The following CYP26B1 variants were observed in gnomAD, a reference collection of about 807,000 sequenced individuals.
CYP26B1 encodes cytochrome P450 family 26 subfamily B member 1.
In CYP26B1, 8 loss-of-function variants were observed where a neutral mutation model predicts 39.1. The ratio of observed to expected loss-of-function variants is 0.20; its 90% confidence interval spans 0.12 to 0.37. The LOEUF (loss-of-function observed/expected upper bound fraction) is 0.37, where lower values mean the gene tolerates loss of function less well. Among genes scored for constraint, CYP26B1 ranks in the 10% least tolerant of loss-of-function variants. The pLI is 1.00. For missense variants in CYP26B1, 615 were observed against 707.0 expected, an observed-to-expected ratio of 0.87 and a Z score of 1.48; for synonymous variants, 321 against 314.3, an observed-to-expected ratio of 1.02 and a Z score of -0.23.
At chr2:72,145,697 G>T (rs1018603676) in intron 1 of CYP26B1, among the ~76,000 whole-genome samples, 1 of 151,924 alleles carries the variant, frequency 6.6e-6, no homozygotes, top group Non-Finnish European at 1.5e-5. Flanking sequence ...GGTCGCCGCC[G>T]CCTCGCCCCC....
chr2:72,132,106 G>T lies in CYP26B1; in HGVS notation c.*121C>A. The T allele has an allele frequency of 8.5e-7, 1 of 1,175,428 alleles. No individual in the cohort carries two copies. Among genetic ancestry groups the T allele is most frequent in the South Asian group, 1.5e-5 (1 of 67,656 alleles). 72.8% of individuals were successfully genotyped at this position (1,175,428 alleles called of 1,614,324 possible). A position where few individuals can be genotyped will look rare whatever the true frequency, so the allele number is the denominator to read the frequency against. On this transcript the variant is annotated 3_prime_UTR_variant, in exon 6 of 6. Transcript: ENST00000001146. ...AGGGTTTGCCAGGGAGGGGGAGCAA[G>T]GGAGGGCAAGTATGGGGGCCACTCG...
Position 72,132,011 on chromosome 2 carries a change from G to C in CYP26B1, c.*216C>G. ...AGGGGCTGAGCTGATGGTAAATGGG[G>C]AGTGGCTGGAGGGAAGCTGGAGCCA... On this transcript the variant is annotated 3_prime_UTR_variant, in exon 6 of 6. Transcript: ENST00000001146. 1 of 603,460 alleles carries C rather than the reference G, an allele frequency of 1.7e-6. No individual in the cohort carries two copies. The highest frequency in any genetic ancestry group is 2.0e-5 in the South Asian group (1 of 50,342). 37.4% of individuals were successfully genotyped at this position (603,460 alleles called of 1,614,324 possible).
Position 72,130,727 on chromosome 2 carries a change from T to C in CYP26B1, c.*1500A>G, listed in dbSNP as rs1676541378. ...AAATTGCCAACACTCAAAACGCCAG[T>C]GGCAGGAGCTACTCCTCTTTCACCC... On this transcript the variant is annotated 3_prime_UTR_variant, in exon 6 of 6. Transcript: ENST00000001146. 1 of 152,164 alleles carries C rather than the reference T, an allele frequency of 6.6e-6. No homozygotes were observed. The highest frequency in any genetic ancestry group is 6.5e-5 in the Admixed American group (1 of 15,278). 9.4% of individuals were successfully genotyped at this position (152,164 alleles called of 1,614,324 possible).
chr2:72,134,292 C>T (rs996879611), intron 4 of CYP26B1, among the ~76,000 whole-genome samples: 15 of 94,068 alleles, frequency 1.6e-4, no homozygotes, highest in South Asian at 3.9e-4. Flanking sequence ...GGAGCACAGC[C>T]GGGATCCCCA....
rs368475843 is a variant in CYP26B1 at position 72,132,348 on chromosome 2, C to T, written c.1418G>A (p.Arg473His). The change falls in exon 6 of 6, where the codon CGC (arginine) becomes CAC (histidine). Residue 473 changes from arginine to histidine, a missense_variant. Coordinates refer to ENST00000001146, the MANE Select transcript of CYP26B1 (RefSeq NM_019885.4). ...RFELATRTFP[R>H]ITLVPVLHPV... ...GTGCAGGACGGGGACCAAGGTGATG[C>T]GGGGGAAGGTCCGTGTGGCCAGCTC... 31 of 1,610,200 alleles carry T rather than the reference C, an allele frequency of 1.9e-5. No individual in the cohort carries two copies. The highest frequency in any genetic ancestry group is 1.5e-4 in the Admixed American group (9 of 59,688).
chr2:72,141,610 C>A (rs972043025), intron 2 of CYP26B1, among the ~76,000 whole-genome samples: 7 of 152,220 alleles, frequency 4.6e-5, no homozygotes, highest in Non-Finnish European at 1.0e-4. Flanking sequence ...CAGCATGGAC[C>A]GGATAAAGAG....
chr2:72,145,284 A>C (rs1167863947), intron 1 of CYP26B1, among the ~76,000 whole-genome samples: 1 of 152,154 alleles, frequency 6.6e-6, no homozygotes, highest in East Asian at 1.9e-4. Context: ...ACTTCCAGCT[A>C]AATGTGCACA....
Position 72,138,690 on chromosome 2 carries a change from A to T in CYP26B1, c.430-3271T>A, listed in dbSNP as rs375783460. Among the ~76,000 whole-genome samples the T allele has an allele frequency of 7.9e-5, 12 of 152,280 alleles. No homozygotes were observed. The East Asian group carries it at 2.1e-3, about 27-fold the overall frequency. ...CAGGGGAGAGCAAGGGCACTGTCACAGGAGCCCAGGAGCGCATGTCCAGGT... is the reference window on the plus strand; with the variant it reads ...CAGGGGAGAGCAAGGGCACTGTCACTGGAGCCCAGGAGCGCATGTCCAGGT... On this transcript the variant is annotated intron_variant, in intron 2 of 5. Coordinates refer to ENST00000001146, the MANE Select transcript of CYP26B1 (RefSeq NM_019885.4).
At chr2:72,144,283 G>C in intron 1 of CYP26B1, 70 bp from the exon 2 acceptor site, 1 of 1,548,568 alleles carries the variant, frequency 6.5e-7, no homozygotes, top group Non-Finnish European at 8.7e-7. Flanking sequence ...AGGGGCGGCG[G>C]ACCCCAACCC....
At chr2:72,145,829 C>G (rs1350163935) in intron 1 of CYP26B1, among the ~76,000 whole-genome samples, 5 of 152,042 alleles carry the variant, frequency 3.3e-5, no homozygotes, top group East Asian at 1.9e-4. Context: ...GGCGGCCGCT[C>G]GGGCCGCGAG....
chr2:72,141,275 C>T (rs1558970714), intron 2 of CYP26B1, among the ~76,000 whole-genome samples: 1 of 152,210 alleles, frequency 6.6e-6, no homozygotes, highest in Non-Finnish European at 1.5e-5. Flanking sequence ...TGCAAGGACA[C>T]AGGCCTGGCT....
intron 1 of CYP26B1, 177 bp from the exon 2 acceptor site, chr2:72,144,390 A>G (rs1230388116): frequency 1.4e-6 from 2 of 1,417,508 alleles, no homozygotes; most frequent in Non-Finnish European, 1.8e-6. Flanking sequence ...ACTGCGAAGT[A>G]GGGCCTAGAG....
At chr2:72,139,263 G>C (rs1676869470) in intron 2 of CYP26B1, among the ~76,000 whole-genome samples, 1 of 152,204 alleles carries the variant, frequency 6.6e-6, no homozygotes, top group Non-Finnish European at 1.5e-5. Flanking sequence ...GAATAACAGA[G>C]GGCAGGCAGC....
intron 2 of CYP26B1, among the ~76,000 whole-genome samples, chr2:72,139,999 T>G (rs1676893651): frequency 6.6e-6 from 1 of 152,180 alleles, no homozygotes; most frequent in East Asian, 1.9e-4. Context: ...TGCAGCTGCT[T>G]CCTTTTAGGC....
intron 1 of CYP26B1, chr2:72,144,561 G>A: frequency 9.8e-7 from 1 of 1,023,148 alleles, no homozygotes; most frequent in Non-Finnish European, 1.2e-6. Flanking sequence ...GCGCTCGGGA[G>A]CCTCTCGGAA....
In CYP26B1 at chr2:72,135,237, C is replaced by G. The variant is rs1166557952; in HGVS notation, c.612G>C (p.Glu204Asp). The change falls in exon 3 of 6, where the codon GAG becomes GAC. Residue 204 changes from glutamate (E) to aspartate (D), a missense_variant. By Grantham distance (45) the Glu-to-Asp change is conservative. Transcript: ENST00000001146. ...CCTCAAAGAGGTGCCCAAGGTCCTCCTCAGGGATGCTGAAGCCCAGCAGCA... is the reference window on the plus strand; with the variant it reads ...CCTCAAAGAGGTGCCCAAGGTCCTCGTCAGGGATGCTGAAGCCCAGCAGCA... ...IRVLLGFSIPEEDLGHLFEVY... is the reference protein window; with the variant it reads ...IRVLLGFSIPDEDLGHLFEVY... The G allele has an allele frequency of 6.2e-7, 1 of 1,614,150 alleles. No homozygotes were observed. The highest frequency in any genetic ancestry group is 8.5e-7 in the Non-Finnish European group (1 of 1,180,046).
chr2:72,147,263 G>C lies in CYP26B1; in HGVS notation c.204+368C>G, dbSNP rs774231653. Among the ~76,000 whole-genome samples the C allele has an allele frequency of 1.1e-3, 162 of 152,264 alleles. No individual in the cohort carries two copies. The highest frequency in any genetic ancestry group is 1.9e-3 in the Non-Finnish European group (132 of 68,010). ...AGGGCGACTGGGGGCTTGCAGCACC[G>C]AGGGGAGGCGAAAGCGGCTCAGGAC... is the stretch of plus-strand genomic sequence containing the variant. On this transcript the variant is annotated intron_variant, in intron 1 of 5. Transcript: ENST00000001146. The surrounding 1 kb of genome is among the most constrained non-coding windows in gnomAD (Gnocchi z 6.1).
intron 2 of CYP26B1, among the ~76,000 whole-genome samples, chr2:72,143,588 C>G (rs1453460022): frequency 6.6e-6 from 1 of 152,230 alleles, no homozygotes; most frequent in African/African-American, 2.4e-5. Context: ...GGAAGGACAG[C>G]TTTGATTTTA....
chr2:72,134,620 G>C (rs1262583934), intron 4 of CYP26B1, 141 bp downstream of exon 4: 1 of 1,353,826 alleles, frequency 7.4e-7, no homozygotes, highest in Non-Finnish European at 1.0e-6. Context: ...CCAGTTTCAA[G>C]GTCTCCAGCC....
Sources: allele counts gnomAD v4.1 joint callset (sites outside exome capture counted in the v4.1 genomes callset), GRCh38; gene constraint gnomAD v4.1.1; non-coding constraint Gnocchi (gnomAD v3.1); transcripts MANE v1.5; gene names NCBI Gene and HGNC (gene_info 2026-07-23, HGNC 2026-07-21).